Variants in TDRD10 observed in about 807,000 individuals in gnomAD.
TDRD10 encodes the protein tudor domain-containing protein 10.
In TDRD10, 40 loss-of-function variants were observed where a neutral mutation model predicts 48.0. The ratio of observed to expected loss-of-function variants is 0.83; its 90% CI spans 0.65 to 1.09. TDRD10 has a LOEUF of 1.09. TDRD10 is among the 50% of genes least tolerant of loss of function. TDRD10 has a pLI of 0.00. For synonymous variants in TDRD10, 162 were observed against 170.4 expected (o/e 0.95, Z 0.38); for missense variants, 378 against 434.7 (o/e 0.87, Z 1.16).
At chr1:154,527,861 C>T (rs1694394042) in intron 6 of TDRD10, among the ~76,000 whole-genome samples, 1 of 152,056 alleles carries the variant, frequency 6.6e-6, no homozygotes, top group East Asian at 1.9e-4. Context: ...TTTTTAATTA[C>T]ACTTTTTATT....
chr1:154,520,982 G>A (rs1478915030), intron 5 of TDRD10, among the ~76,000 whole-genome samples: 3 of 152,246 alleles, frequency 2.0e-5, no homozygotes, highest in African/African-American at 7.2e-5. Flanking sequence ...CAAGCGATCC[G>A]CCTGTCTTGG....
intron 8 of TDRD10, 80 bp from the exon 9 acceptor site, chr1:154,543,883 G>A (rs1018482388): frequency 1.3e-6 from 2 of 1,575,850 alleles, no homozygotes; most frequent in Non-Finnish European, 8.6e-7. Context: ...GCCTCCTGCA[G>A]GACAGGCGTT....
At position 154,531,540 on chromosome 1, in the gene TDRD10, T is replaced by A. The variant is rs146153006; in HGVS notation, c.369+10061T>A. 2.8e-3 allele frequency among the ~76,000 whole-genome samples: 424 copies of A among 152,276 alleles called. 2 individuals are homozygous for A. The highest frequency in any genetic ancestry group is 9.7e-3 in the African/African-American group (403 of 41,556). ...TTTAAGGCGGCACATCTGGAGTTGT[T>A]CATTCCTCCCAGTGGGTTCGCGGTC... On this transcript the variant is annotated intron_variant, in intron 6 of 12. Coordinates refer to ENST00000368482, the MANE Select transcript of TDRD10 (RefSeq NM_182499.4).
intron 7 of TDRD10, 25 bp downstream of exon 7, chr1:154,542,091 T>C: frequency 1.2e-6 from 2 of 1,613,214 alleles, no homozygotes; most frequent in Non-Finnish European, 1.7e-6. Context: ...TGCCATCCTT[T>C]CCCAGGATGT....
chr1:154,546,916 C>A (rs1403655022), intron 11 of TDRD10, among the ~76,000 whole-genome samples: 1 of 152,102 alleles, frequency 6.6e-6, no homozygotes, highest in Non-Finnish European at 1.5e-5. Context: ...TACAAACAGT[C>A]CCAGAGTTTG....
intron 6 of TDRD10, among the ~76,000 whole-genome samples, chr1:154,536,494 A>G: frequency 6.6e-6 from 1 of 152,256 alleles, no homozygotes; most frequent in East Asian, 1.9e-4. Context: ...GATAGAACCC[A>G]TTCTTATATT....
At chr1:154,542,157 C>A in intron 7 of TDRD10, 91 bp downstream of exon 7, 1 of 1,316,876 alleles carries the variant, frequency 7.6e-7, no homozygotes, top group Non-Finnish European at 1.1e-6. Context: ...TCCCTTCCAG[C>A]TCAGTCCCCT....
At position 154,542,074 on chromosome 1, in the gene TDRD10, T is replaced by A; in HGVS notation, c.412+8T>A. 1 of 1,613,932 alleles carries A rather than the reference T, an allele frequency of 6.2e-7. No individual in the cohort carries two copies. Among genetic ancestry groups the A allele is most frequent in the Non-Finnish European group, 8.5e-7 (1 of 1,179,898 alleles). ...GATTTGGCAAAACCGCCGGTGAGAT[T>A]CTGCGCTGCCATCCTTTCCCAGGAT... On this transcript the variant is annotated splice_region_variant and intron_variant, in intron 7 of 12. Coordinates refer to ENST00000368482, the MANE Select transcript of TDRD10 (RefSeq NM_182499.4).
chr1:154,545,975 A>G (rs1470439230), intron 11 of TDRD10, among the ~76,000 whole-genome samples: 1 of 97,120 alleles, frequency 1.0e-5, no homozygotes, highest in African/African-American at 4.2e-5. Context: ...GGGTTTCACT[A>G]TGTTGTCCAG....
chr1:154,502,696 G>C lies in TDRD10; in HGVS notation c.-361G>C, dbSNP rs1368474080. On this transcript the variant is annotated 5_prime_UTR_variant, in exon 1 of 13. Transcript: ENST00000368482. Reference sequence around the variant, plus strand: ...TCACACGCGCCCAGGAGTGTCACGTGCGCCGCTCACCCCCGGGAAGGAAGC... The same window carrying C: ...TCACACGCGCCCAGGAGTGTCACGTCCGCCGCTCACCCCCGGGAAGGAAGC... 1 of 152,270 alleles carries C rather than the reference G, an allele frequency of 6.6e-6. No homozygotes were observed. Among genetic ancestry groups the C allele is most frequent in the Non-Finnish European group, 1.5e-5 (1 of 68,108 alleles). The allele number at this position is 152,270 out of a possible 1,614,324, so 9.4% of individuals were successfully genotyped here.
At chr1:154,515,079 G>C (rs373615300) in intron 4 of TDRD10, among the ~76,000 whole-genome samples, 1 of 151,962 alleles carries the variant, frequency 6.6e-6, no homozygotes, top group Non-Finnish European at 1.5e-5. Context: ...TATTGGCCAT[G>C]CTGGTCTCGA....
intron 6 of TDRD10, among the ~76,000 whole-genome samples, chr1:154,533,533 T>C (rs1694760593): frequency 6.6e-6 from 1 of 152,060 alleles, no homozygotes; most frequent in Non-Finnish European, 1.5e-5. Context: ...AGTCTTCTTA[T>C]GTTTGTTTTA....
chr1:154,527,485 A>G (rs1694376762), intron 6 of TDRD10, among the ~76,000 whole-genome samples: 1 of 152,240 alleles, frequency 6.6e-6, no homozygotes, highest in South Asian at 2.1e-4. Flanking sequence ...CAAAAATACT[A>G]GGTGGATTAT....
intron 9 of TDRD10, 62 bp from the exon 10 acceptor site, chr1:154,544,310 C>T: frequency 6.5e-7 from 1 of 1,549,642 alleles, no homozygotes; most frequent in Non-Finnish European, 8.7e-7. Context: ...CAGGTGACGT[C>T]TACGGAGGCA....
chr1:154,526,538 C>T (rs1216099156), intron 6 of TDRD10, among the ~76,000 whole-genome samples: 3 of 151,762 alleles, frequency 2.0e-5, no homozygotes, highest in African/African-American at 7.3e-5. Context: ...TTACTGCAAC[C>T]TCTGCCTCCT....
At chr1:154,505,562 G>C (rs1693101646) in intron 1 of TDRD10, among the ~76,000 whole-genome samples, 1 of 152,122 alleles carries the variant, frequency 6.6e-6, no homozygotes, top group African/African-American at 2.4e-5. Context: ...AGAGAAAAGA[G>C]TTACTGTTTT....
At chr1:154,542,647 G>A in intron 7 of TDRD10, 84 bp from the exon 8 acceptor site, 1 of 1,087,290 alleles carries the variant, frequency 9.2e-7, no homozygotes, top group South Asian at 1.5e-5. Context: ...TTGGAGGGCA[G>A]GGCCAAGGCC....
intron 6 of TDRD10, among the ~76,000 whole-genome samples, chr1:154,531,405 T>C (rs1310993972): frequency 6.6e-6 from 1 of 152,024 alleles, no homozygotes; most frequent in African/African-American, 2.4e-5. Context: ...ATGTCCAGAG[T>C]TTGTTCCTTC....
chr1:154,504,460 G>A (rs1482548692), intron 1 of TDRD10, among the ~76,000 whole-genome samples: 1 of 152,174 alleles, frequency 6.6e-6, no homozygotes, highest in East Asian at 1.9e-4. Context: ...TTTCCAAAGT[G>A]GCTGCACCAT....
Sources: allele counts gnomAD v4.1 joint callset (sites outside exome capture counted in the v4.1 genomes callset), GRCh38; gene constraint gnomAD v4.1.1; transcripts MANE v1.5; gene names NCBI Gene and HGNC (gene_info 2026-07-23, HGNC 2026-07-21).